TIMELESS: variants seen among roughly 807,000 people sequenced by gnomAD.
TIMELESS encodes the protein protein timeless homolog.
A neutral mutation model predicts 164.3 loss-of-function variants in TIMELESS; 124 were observed. The observed-to-expected ratio is 0.75, with a 90% CI of 0.65 to 0.88. The LOEUF (loss-of-function observed/expected upper bound fraction) is 0.88, where lower values mean the gene tolerates loss of function less well. Ranked by LOEUF, TIMELESS falls within the 40% of genes least tolerant of loss-of-function variation. TIMELESS has a pLI of 0.00. For synonymous variants in TIMELESS, 564 were observed against 563.4 expected, an observed-to-expected ratio of 1.00 and a Z score of -0.02; for missense variants, 1,422 against 1,491.4, an observed-to-expected ratio of 0.95 and a Z score of 0.77.
intron 1 of TIMELESS, among the ~76,000 whole-genome samples, chr12:56,440,464 C>T (rs1592256539): frequency 6.6e-6 from 1 of 151,922 alleles, no homozygotes; most frequent in East Asian, 1.9e-4. Context: ...GAAGACGAAA[C>T]AAAACACTCT....
intron 25 of TIMELESS, 22 bp downstream of exon 25, chr12:56,420,789 TAA>T: frequency 1.2e-6 from 2 of 1,614,084 alleles, no homozygotes; most frequent in Non-Finnish European, 1.7e-6. Flanking sequence ...GCTCTTCTCC[TAA>T]AAGTGTCACC....
intron 1 of TIMELESS, among the ~76,000 whole-genome samples, chr12:56,444,741 C>A (rs1868325757): frequency 6.6e-6 from 1 of 151,954 alleles, no homozygotes; most frequent in South Asian, 2.1e-4. Flanking sequence ...AAAAATCCAA[C>A]ATAAAATAAA....
At position 56,429,072 on chromosome 12, in the gene TIMELESS, TG is replaced by T; in HGVS notation, c.1114del (p.Gln372SerfsTer50). The part of the protein sequence containing the change: ...KDHLLREKAQ[Q>X]HDETYYMWAL... Reference sequence around the variant, plus strand: ...CCACATATAATAGGTCTCATCATGCTGCTGAGCTTTCTCCCGAAGCAGGTGA... The same window carrying T: ...CCACATATAATAGGTCTCATCATGCTCTGAGCTTTCTCCCGAAGCAGGTGA... On this transcript the variant is annotated frameshift_variant, in exon 11 of 29. Transcript: ENST00000553532. LOFTEE classifies it high-confidence loss of function. 6.2e-7 allele frequency: 1 copy of T among 1,613,958 alleles called. No homozygotes were observed. Among genetic ancestry groups the T allele is most frequent in the Non-Finnish European group, 8.5e-7 (1 of 1,180,024 alleles).
rs201615298 is a variant in TIMELESS at position 56,423,649 on chromosome 12, T to TTCC, written c.2022_2024dup (p.Glu678dup). The TTCC allele has an allele frequency of 1.7e-3, 2,699 of 1,613,678 alleles. 21 individuals are homozygous for TTCC. In the African/African-American group the frequency reaches 0.028, roughly 17 times the overall value. ...CCTGGACCACTTGCAACTCCTCCTC[T>TTCC]TCCTCCTCCTCCTCCTCTTCTTCTT... On this transcript the variant is annotated inframe_insertion, in exon 17 of 29. Coordinates refer to ENST00000553532, the MANE Select transcript of TIMELESS (RefSeq NM_003920.5).
rs550968596 is a variant in TIMELESS at position 56,438,528 on chromosome 12, T to G, written c.-61-4297A>C. 2.6e-5 allele frequency among the ~76,000 whole-genome samples: 4 copies of G among 151,024 alleles called. No homozygotes were observed. The East Asian group carries it at 8.0e-4, about 30-fold the overall frequency. On this transcript the variant is annotated intron_variant, in intron 1 of 28. Transcript: ENST00000553532. ...GGCTCACGCCTGAAATCCCAGTACTTTGGGAGGCCAAGGCGGGAGGATCAC... is the reference window on the plus strand; with the variant it reads ...GGCTCACGCCTGAAATCCCAGTACTGTGGGAGGCCAAGGCGGGAGGATCAC...
Position 56,443,959 on chromosome 12 carries a change from C to T in TIMELESS, c.-62+5351G>A, listed in dbSNP as rs529454030. ...TGTCATACAGGCTGGAGTGCAGTGG[C>T]GTGATTTCGGCTCACTGCATCTCCG... On this transcript the variant is annotated intron_variant, in intron 1 of 28. Transcript: ENST00000553532. Among the ~76,000 whole-genome samples the T allele has an allele frequency of 1.1e-3, 157 of 146,946 alleles. 3 individuals are homozygous for T. In the South Asian group the frequency reaches 0.032, roughly 30 times the overall value.
rs775870536 is a variant in TIMELESS, at chr12:56,433,583, C to T, written c.321G>A (p.Arg107=). 3 of 1,614,220 alleles carry T rather than the reference C, an allele frequency of 1.9e-6. No individual in the cohort carries two copies. The highest frequency in any genetic ancestry group is 1.7e-5 in the Admixed American group (1 of 60,010). Residue 107 remains arginine (R), a synonymous_variant, in exon 4 of 29, where the codon CGG becomes CGA. Transcript: ENST00000553532. The stretch of plus-strand genomic sequence containing the variant: ...AAGTTAGCACCTGCAAAAAATGGTG[C>T]CGAAAGCTGGGCTCCTTAGGCAGAT... The part of the protein sequence containing the change: ...FGNLPKEPSF[R]HHFLQVLTYL...
chr12:56,420,977 C>T lies in TIMELESS; in HGVS notation c.3026G>A (p.Ser1009Asn), dbSNP rs2136132298. 6.2e-7 allele frequency: 1 copy of T among 1,614,188 alleles called. No individual in the cohort carries two copies. Among genetic ancestry groups the T allele is most frequent in the Non-Finnish European group, 8.5e-7 (1 of 1,180,032 alleles). The change falls in exon 24 of 29, where the codon AGC becomes AAC. Residue 1009 changes from serine to asparagine, a missense_variant. Physicochemically the swap from Ser to Asn is conservative, Grantham distance 46. Coordinates refer to ENST00000553532, the MANE Select transcript of TIMELESS (RefSeq NM_003920.5). ...LVLSNENLGQ[S>N]LHQEGFSIPL... ...AAAGTCCTCACCTTCCTGATGCAGGCTTTGACCAAGGTTTTCATTTGAAAG... is the reference window on the plus strand; with the variant it reads ...AAAGTCCTCACCTTCCTGATGCAGGTTTTGACCAAGGTTTTCATTTGAAAG...
chr12:56,445,808 G>T (rs1019528411), intron 1 of TIMELESS, among the ~76,000 whole-genome samples: 1 of 151,992 alleles, frequency 6.6e-6, no homozygotes, highest in African/African-American at 2.4e-5. Context: ...ATCAGTTGCT[G>T]TCTATCCTTC....
At chr12:56,434,817 C>A (rs1320334372) in intron 1 of TIMELESS, among the ~76,000 whole-genome samples, 1 of 152,058 alleles carries the variant, frequency 6.6e-6, no homozygotes, top group East Asian at 1.9e-4. Flanking sequence ...TTTAGGAGGC[C>A]AAGACATGAT....
Position 56,423,404 on chromosome 12 carries a change from G to C in TIMELESS, c.2162C>G (p.Thr721Ser), listed in dbSNP as rs1411327985. 1 of 1,614,156 alleles carries C rather than the reference G, an allele frequency of 6.2e-7. No individual in the cohort carries two copies. Among genetic ancestry groups the C allele is most frequent in the South Asian group, 1.1e-5 (1 of 91,088 alleles). ...CAGCATCTTCACAATGCAATGGTTA[G>C]TGTGGGCACTATTCTGCTGGTAGCT... Reference protein sequence around the residue: ...LRSYQQNSAHTNHCIVKMLHR... With the variant: ...LRSYQQNSAHSNHCIVKMLHR... Residue 721 changes from threonine (T) to serine (S), a missense_variant, in exon 18 of 29, where the codon ACT becomes AGT. Thr to Ser is a moderately conservative substitution (Grantham distance 58). Coordinates refer to ENST00000553532, the MANE Select transcript of TIMELESS (RefSeq NM_003920.5).
In TIMELESS at chr12:56,416,397, G is replaced by A. The variant is rs1489414184; in HGVS notation, c.*1319C>T. ...ATCCAAATCCATCCTTTACTTAGAA[G>A]CCTTCCTGAGCTGAATGGCTATTTT... On this transcript the variant is annotated 3_prime_UTR_variant, in exon 29 of 29. Transcript: ENST00000553532. 1.3e-5 allele frequency: 2 copies of A among 152,202 alleles called. No individual in the cohort carries two copies. The highest frequency in any genetic ancestry group is 4.8e-5 in the African/African-American group (2 of 41,444). The allele number at this position is 152,202 out of a possible 1,614,324, so 9.4% of individuals were successfully genotyped here. A position where few individuals can be genotyped will look rare whatever the true frequency, so the allele number is the denominator to read the frequency against.
At chr12:56,441,156 C>G (rs909454225) in intron 1 of TIMELESS, among the ~76,000 whole-genome samples, 1 of 152,154 alleles carries the variant, frequency 6.6e-6, no homozygotes, top group Non-Finnish European at 1.5e-5. Flanking sequence ...AATAAAAAGC[C>G]TGTATTCTCT....
At chr12:56,422,434 G>A (rs74094726) in intron 19 of TIMELESS, among the ~76,000 whole-genome samples, 6,459 of 152,212 alleles carry the variant, frequency 0.042, 473 homozygotes, top group African/African-American at 0.15. Flanking sequence ...CTGACTCTAG[G>A]GACTGAGAAT....
chr12:56,440,521 G>A (rs1050178522), intron 1 of TIMELESS, among the ~76,000 whole-genome samples: 1 of 152,178 alleles, frequency 6.6e-6, no homozygotes, highest in African/African-American at 2.4e-5. Context: ...TTGAGACCCA[G>A]TAGTATGAAC....
At position 56,432,404 on chromosome 12, in the gene TIMELESS, C is replaced by A; in HGVS notation, c.652G>T (p.Val218Leu). ...SSAEEQWSLH[V>L]LEIVSLMFRD... ...AACATAAGGGAGACAATCTCTAGCA[C>A]ATGTAGGCTCCATTGCTCCTCAGCA... Residue 218 changes from valine to leucine, a missense_variant, in exon 7 of 29, where the codon GTG becomes TTG. Transcript: ENST00000553532. 6.2e-7 allele frequency: 1 copy of A among 1,614,172 alleles called. No individual in the cohort carries two copies. Among genetic ancestry groups the A allele is most frequent in the Non-Finnish European group, 8.5e-7 (1 of 1,180,014 alleles).
In TIMELESS at chr12:56,420,550, C is replaced by T. The variant is rs1420245577; in HGVS notation, c.3228+19G>A. 1 of 1,608,438 alleles carries T rather than the reference C, an allele frequency of 6.2e-7. No homozygotes were observed. Among genetic ancestry groups the T allele is most frequent in the Non-Finnish European group, 8.5e-7 (1 of 1,175,014 alleles). The stretch of plus-strand genomic sequence containing the variant: ...TAGGACTAACACGCCTTGGTTGACA[C>T]TGTAACTGACATATTTACCTGCCCA... On this transcript the variant is annotated intron_variant, in intron 26 of 28. Coordinates refer to ENST00000553532, the MANE Select transcript of TIMELESS (RefSeq NM_003920.5).
rs777023141 is a variant in TIMELESS at position 56,433,430 on chromosome 12, T to C, written c.380A>G (p.Glu127Gly). 6 of 1,614,086 alleles carry C rather than the reference T, an allele frequency of 3.7e-6. No individual in the cohort carries two copies. In the East Asian group the frequency reaches 1.3e-4, roughly 36 times the overall value. The part of the protein sequence containing the change: ...LQAYKEAFAS[E>G]KAFGVLSETL... ...TTCACTGAGGACTCCAAAAGCCTTC[T>C]CACTGGCAAAGGCCTGTGAAATAGG... The change falls in exon 5 of 29, where the codon GAG becomes GGG. Residue 127 changes from glutamate to glycine, a missense_variant. Glu to Gly is a moderately conservative substitution (Grantham distance 98). Coordinates refer to ENST00000553532, the MANE Select transcript of TIMELESS (RefSeq NM_003920.5).
intron 6 of TIMELESS, 53 bp downstream of exon 6, chr12:56,432,973 A>AAAAAG: frequency 2.4e-6 from 3 of 1,227,938 alleles, no homozygotes; most frequent in Non-Finnish European, 2.3e-6. Context: ...AAAAAAAAAA[A>AAAAAG]AGGCAGCTCA....
Sources: gnomAD v4.1 joint callset for allele counts (sites outside exome capture counted in the v4.1 genomes callset) on GRCh38, gnomAD v4.1.1 for gene constraint, MANE v1.5 for transcripts, NCBI Gene and HGNC (gene_info 2026-07-23, HGNC 2026-07-21) for gene names.